Variants in UTRN observed in about 807,000 individuals in gnomAD.
UTRN encodes the protein dystrophin-related protein 1.
Under a neutral mutation model 463.9 loss-of-function variants are expected in UTRN, and 283 were observed. The ratio of observed to expected loss-of-function variants is 0.61; its 90% CI spans 0.55 to 0.67. The LOEUF is 0.67. Among genes scored for constraint, UTRN ranks in the 30% least tolerant of loss-of-function variants. The pLI, the probability that UTRN is intolerant of heterozygous loss-of-function variation, is 0.00. For missense variants in UTRN, 3,922 were observed against 4,084.3 expected, an observed-to-expected ratio of 0.96 and a Z score of 1.08; for synonymous variants, 1,442 against 1,431.5, an observed-to-expected ratio of 1.01 and a Z score of -0.17.
chr6:144,811,814 A>C (rs1778639808), intron 65 of UTRN, among the ~76,000 whole-genome samples: 1 of 152,176 alleles, frequency 6.6e-6, no homozygotes, highest in South Asian at 2.1e-4. Flanking sequence ...AGCAGTATGC[A>C]TGTACCAGTT....
In UTRN at chr6:144,513,790, AAGCTC is replaced by A. The variant is rs1227667086; in HGVS notation, c.4945-118_4945-114del. 3 of 1,137,226 alleles carry A rather than the reference AAGCTC, an allele frequency of 2.6e-6. No individual in the cohort carries two copies. In the African/African-American group the frequency reaches 4.8e-5, roughly 18 times the overall value. 70.4% of individuals were successfully genotyped at this position (1,137,226 alleles called of 1,614,324 possible). A position where few individuals can be genotyped will look rare whatever the true frequency, so the allele number is the denominator to read the frequency against. ...GAAGAAGAGCTCTGCAGGAAGGTGA[AAGCTC>A]TCCTTTAAATTCATGGTACAGTTTG... is the stretch of plus-strand genomic sequence containing the variant. On this transcript the variant is annotated intron_variant, in intron 35 of 74. Transcript: ENST00000367545.
chr6:144,450,214 T>G (rs1251171731), intron 17 of UTRN, among the ~76,000 whole-genome samples: 1 of 152,186 alleles, frequency 6.6e-6, no homozygotes, highest in Non-Finnish European at 1.5e-5. Flanking sequence ...ATCATGTCAG[T>G]TCCATGCATA....
chr6:144,389,578 TC>T (rs1197783161), intron 2 of UTRN, among the ~76,000 whole-genome samples: 1 of 152,126 alleles, frequency 6.6e-6, no homozygotes, highest in Non-Finnish European at 1.5e-5. Context: ...TTTTTGCACA[TC>T]CCTTTCTCCT....
chr6:144,587,119 C>T (rs1320257207), intron 51 of UTRN, among the ~76,000 whole-genome samples: 1 of 152,098 alleles, frequency 6.6e-6, no homozygotes, highest in African/African-American at 2.4e-5. Flanking sequence ...GATTCTTTTT[C>T]TCTATGTGGT....
intron 58 of UTRN, among the ~76,000 whole-genome samples, chr6:144,769,258 A>C (rs1281627194): frequency 6.6e-6 from 1 of 150,870 alleles, no homozygotes; most frequent in East Asian, 1.9e-4. Context: ...TTCATTGTGG[A>C]TTTTGCTTTA....
At chr6:144,440,565 T>C in intron 13 of UTRN, 94 bp downstream of exon 13, 1 of 1,555,366 alleles carries the variant, frequency 6.4e-7, no homozygotes, top group Non-Finnish European at 8.8e-7. Flanking sequence ...TTCTCATTCT[T>C]TATCCAGAAG....
intron 69 of UTRN, among the ~76,000 whole-genome samples, chr6:144,830,367 C>T (rs969468960): frequency 1.3e-5 from 2 of 152,058 alleles, no homozygotes; most frequent in African/African-American, 2.4e-5. Context: ...ATATACCTAC[C>T]ATGTAATGGT....
intron 61 of UTRN, among the ~76,000 whole-genome samples, chr6:144,787,624 A>G (rs1776401084): frequency 6.6e-6 from 1 of 152,182 alleles, no homozygotes; most frequent in African/African-American, 2.4e-5. Flanking sequence ...CCTTCAGTAC[A>G]TATAGTTGAG....
chr6:144,686,946 T>C (rs1358252580), intron 52 of UTRN, among the ~76,000 whole-genome samples: 3 of 152,132 alleles, frequency 2.0e-5, no homozygotes, highest in Non-Finnish European at 2.9e-5. Context: ...AGACACTTTG[T>C]TTTCTTTATT....
rs1205056472 is a variant in UTRN, at chr6:144,513,892, TATTA to T, written c.4945-13_4945-10del. On this transcript the variant is annotated splice_polypyrimidine_tract_variant and intron_variant, in intron 35 of 74. Coordinates refer to ENST00000367545, the MANE Select transcript of UTRN (RefSeq NM_007124.3). ...ATTTCATATGGTTATGTAAGCATTT[TATTA>T]ATTCCTTTGTAGAACCATCAGAACC... 3 of 1,609,944 alleles carry T rather than the reference TATTA, an allele frequency of 1.9e-6. No homozygotes were observed. The highest frequency in any genetic ancestry group is 2.5e-6 in the Non-Finnish European group (3 of 1,178,764).
At chr6:144,449,817 C>T (rs967842265) in intron 17 of UTRN, among the ~76,000 whole-genome samples, 13 of 152,150 alleles carry the variant, frequency 8.5e-5, no homozygotes, top group Admixed American at 3.9e-4. Flanking sequence ...AGAAGACAGT[C>T]TTGGTTTGAA....
chr6:144,622,721 G>A (rs1775557284), intron 51 of UTRN, among the ~76,000 whole-genome samples: 1 of 152,046 alleles, frequency 6.6e-6, no homozygotes, highest in Non-Finnish European at 1.5e-5. Flanking sequence ...ACATTTATAG[G>A]CTTTTATTTA....
chr6:144,707,964 A>G (rs1278405118), intron 53 of UTRN: 5 of 174,128 alleles, frequency 2.9e-5, no homozygotes, highest in Middle Eastern at 5.2e-3. Flanking sequence ...TTAAACATCA[A>G]GATGGCTTAT....
intron 51 of UTRN, among the ~76,000 whole-genome samples, chr6:144,622,211 C>T (rs1187095972): frequency 6.6e-4 from 44 of 66,218 alleles, no homozygotes; most frequent in East Asian, 3.8e-3. Flanking sequence ...TTTTTGGAGA[C>T]GGAGTCTTGC....
At chr6:144,504,495 A>T (rs778411943) in intron 34 of UTRN, among the ~76,000 whole-genome samples, 3 of 152,206 alleles carry the variant, frequency 2.0e-5, no homozygotes, top group Non-Finnish European at 2.9e-5. Flanking sequence ...TATTGAGATA[A>T]TCGTGGTTTG....
intron 23 of UTRN, among the ~76,000 whole-genome samples, chr6:144,472,488 A>G (rs1043135996): frequency 1.3e-5 from 2 of 152,184 alleles, no homozygotes; most frequent in African/African-American, 4.8e-5. Flanking sequence ...TATATAAACT[A>G]GTTAGATCTT....
At chr6:144,732,229 TATATATATAC>T (rs1352580249) in intron 54 of UTRN, among the ~76,000 whole-genome samples, 98 of 45,492 alleles carry the variant, frequency 2.2e-3, no homozygotes, top group Admixed American at 9.8e-3. Flanking sequence ...TATATATATA[TATATATATAC>T]ATATATATAT....
chr6:144,422,935 C>A (rs1784965162), intron 4 of UTRN, among the ~76,000 whole-genome samples: 1 of 152,092 alleles, frequency 6.6e-6, no homozygotes, highest in Non-Finnish European at 1.5e-5. Flanking sequence ...GCTGATTCCT[C>A]TCTCAGATAA....
chr6:144,690,206 A>G (rs1424941460), intron 52 of UTRN, among the ~76,000 whole-genome samples: 1 of 145,964 alleles, frequency 6.9e-6, no homozygotes, highest in Admixed American at 7.3e-5. Flanking sequence ...GGCTCTCCAC[A>G]GGCAGACGCA....
Sources: gnomAD v4.1 joint callset for allele counts (sites outside exome capture counted in the v4.1 genomes callset) on GRCh38, gnomAD v4.1.1 for gene constraint, MANE v1.5 for transcripts, NCBI Gene and HGNC (gene_info 2026-07-23, HGNC 2026-07-21) for gene names.